UTP14A: variants seen among roughly 807,000 people sequenced by gnomAD.
UTP14A encodes UTP14A small subunit processome component.
A neutral mutation model predicts 57.2 loss-of-function variants in UTP14A; 5 were observed. The ratio of observed to expected loss-of-function variants is 0.09; its 90% CI spans 0.05 to 0.18. The LOEUF (loss-of-function observed/expected upper bound fraction) is 0.18. UTP14A is among the 10% of genes least tolerant of loss of function. The probability of loss-of-function intolerance (pLI) is 1.00; values close to 1 mark genes in which losing one functional copy is unlikely to be tolerated. For missense variants in UTP14A, 430 were observed against 562.1 expected (o/e 0.76, Z 2.38); for synonymous variants, 169 against 210.9 (o/e 0.80, Z 1.72).
intron 4 of UTP14A, among the ~76,000 whole-genome samples, chrX:129,910,742 G>A (rs1929435197): frequency 8.9e-6 from 1 of 112,133 alleles, no homozygotes; most frequent in Admixed American, 9.5e-5. Context: ...ATTGCAATGG[G>A]GCAAGAGTAG....
intron 6 of UTP14A, among the ~76,000 whole-genome samples, chrX:129,917,296 T>C (rs1368252100): frequency 8.9e-6 from 1 of 112,691 alleles, no homozygotes; most frequent in Non-Finnish European, 1.9e-5. Context: ...TTCAGTAGAA[T>C]AGTTTTATGG....
chrX:129,907,542 C>G lies in UTP14A; in HGVS notation c.102+100C>G, dbSNP rs111752371. The G allele has an allele frequency of 6.6e-4, 481 of 724,770 alleles. 5 individuals are homozygous for G. The African/African-American group carries it at 9.2e-3, about 14-fold the overall frequency. The allele number at this position is 724,770 out of a possible 1,213,427, so 59.7% of individuals were successfully genotyped here. A position where few individuals can be genotyped will look rare whatever the true frequency, so the allele number is the denominator to read the frequency against. On this transcript the variant is annotated intron_variant, in intron 2 of 14. Coordinates refer to ENST00000394422, the MANE Select transcript of UTP14A (RefSeq NM_006649.4). Reference sequence around the variant, plus strand: ...GTTCTATGTATTTGTTCAGGTCTCTCAAATAAATTGCAAATGGTTAGTGTT... The same window carrying G: ...GTTCTATGTATTTGTTCAGGTCTCTGAAATAAATTGCAAATGGTTAGTGTT...
intron 3 of UTP14A, 81 bp from the exon 4 acceptor site, chrX:129,908,589 A>G: frequency 1.1e-6 from 1 of 922,385 alleles, no homozygotes; most frequent in East Asian, 3.1e-5. Context: ...CCCTGTTTGA[A>G]GAGAGAAGTG....
At chrX:129,914,145 A>G (rs1475647215) in intron 6 of UTP14A, among the ~76,000 whole-genome samples, 1 of 111,884 alleles carries the variant, frequency 8.9e-6, no homozygotes, top group Non-Finnish European at 1.9e-5. Flanking sequence ...AAATTATGCT[A>G]GTAGGGCACA....
At chrX:129,918,614 A>G (rs1432392545) in intron 6 of UTP14A, among the ~76,000 whole-genome samples, 1 of 111,341 alleles carries the variant, frequency 9.0e-6, no homozygotes, top group Non-Finnish European at 1.9e-5. Context: ...GCGGTGGCTC[A>G]CGCCTGTAAT....
chrX:129,925,239 T>C (rs778165282), intron 12 of UTP14A, 44 bp downstream of exon 12: 1 of 1,176,196 alleles, frequency 8.5e-7, no homozygotes, highest in Non-Finnish European at 1.1e-6. Context: ...GAAAGTGTCG[T>C]TCTTGCGCAA....
chrX:129,909,817 C>T (rs41408245), intron 4 of UTP14A, among the ~76,000 whole-genome samples: 8,666 of 111,626 alleles, frequency 0.078, 801 homozygotes, highest in African/African-American at 0.27. Flanking sequence ...TAGAATGGGT[C>T]TTGCATTTGT....
Position 129,929,568 on chromosome X carries a change from C to T in UTP14A, c.2276C>T (p.Thr759Ile). ...VIQRNPKRIT[T>I]RHKKQLKKCS... is the part of the protein sequence containing the mutation. ...CAGAGGAATCCAAAACGAATCACCA[C>T]ACGTCACAAAAAACAGCTGAAGAAA... Residue 759 changes from threonine to isoleucine, a missense_variant, in exon 15 of 15, where the codon ACA (threonine) becomes ATA (isoleucine). Around this residue, in one of 4 missense-constraint regions of UTP14A, gnomAD observed 82 missense variants for 151.4 expected, o/e 0.54. Coordinates refer to ENST00000394422, the MANE Select transcript of UTP14A (RefSeq NM_006649.4). 3 of 1,211,492 alleles carry T rather than the reference C, an allele frequency of 2.5e-6. No individual in the cohort carries two copies. The highest frequency in any genetic ancestry group is 3.4e-6 in the Non-Finnish European group (3 of 895,319).
At chrX:129,910,873 T>C (rs1358681360) in intron 4 of UTP14A, 135 bp from the exon 5 acceptor site, 1 of 828,304 alleles carries the variant, frequency 1.2e-6, no homozygotes, top group Non-Finnish European at 1.7e-6. Context: ...AAATAGGCAA[T>C]TGAAGTAAGA....
chrX:129,914,824 T>C (rs1054365431), intron 6 of UTP14A, among the ~76,000 whole-genome samples: 23 of 112,382 alleles, frequency 2.0e-4, no homozygotes, highest in African/African-American at 6.1e-4. Flanking sequence ...TCATTATGCC[T>C]TCACAAGAGG....
intron 9 of UTP14A, 29 bp downstream of exon 9, chrX:129,920,609 C>T: frequency 8.3e-7 from 1 of 1,207,469 alleles, no homozygotes; most frequent in Non-Finnish European, 1.1e-6. Context: ...CCACCCCCAC[C>T]CCTTTGAACC....
rs114167763 is a variant in UTP14A at position 129,910,811 on chromosome X, C to G, written c.239-197C>G. Among the ~76,000 whole-genome samples, 867 of 112,681 alleles carry G rather than the reference C, an allele frequency of 7.7e-3. 13 individuals carry two copies. Among genetic ancestry groups the G allele is most frequent in the African/African-American group, 0.026 (823 of 31,075 alleles). On this transcript the variant is annotated intron_variant, in intron 4 of 14. Transcript: ENST00000394422. ...AAATATTTTCCCCTATCTTCTACCCCCTAACACGTTTGGGGATGAATGTAG... is the reference window on the plus strand; with the variant it reads ...AAATATTTTCCCCTATCTTCTACCCGCTAACACGTTTGGGGATGAATGTAG...
Position 129,908,723 on chromosome X carries a change from T to A in UTP14A, c.227T>A (p.Val76Asp). Residue 76 changes from valine to aspartate, a missense_variant, in exon 4 of 15, where the codon GTC (valine) becomes GAC (aspartate). Physicochemically the swap from Val to Asp is radical, Grantham distance 152. Coordinates refer to ENST00000394422, the MANE Select transcript of UTP14A (RefSeq NM_006649.4). ...AGTCTGAAGGTGTCAGAGTTCAATG[T>A]CAGTTCTGAAGGTAAGTTGAACAAA... Reference protein sequence around the residue: ...EASLKVSEFNVSSEGSGEKLV... With the variant: ...EASLKVSEFNDSSEGSGEKLV... The A allele has an allele frequency of 8.3e-7, 1 of 1,211,194 alleles. No individual in the cohort carries two copies. The highest frequency in any genetic ancestry group is 1.8e-5 in the South Asian group (1 of 57,005).
chrX:129,911,274 T>C, intron 5 of UTP14A, 124 bp downstream of exon 5: 1 of 923,699 alleles, frequency 1.1e-6, no homozygotes, highest in Non-Finnish European at 1.5e-6. Context: ...TTCCCCACTA[T>C]GGATAAGATT....
chrX:129,929,711 T>C lies in UTP14A; in HGVS notation c.*103T>C. The stretch of plus-strand genomic sequence containing the variant: ...CAAAACTGGCTCAGTACATTGCATG[T>C]AGTTAAGCCACATTTTAAAAATAAA... On this transcript the variant is annotated 3_prime_UTR_variant, in exon 15 of 15. Coordinates refer to ENST00000394422, the MANE Select transcript of UTP14A (RefSeq NM_006649.4). 1.0e-6 allele frequency: 1 copy of C among 969,838 alleles called. No individual in the cohort carries two copies. Among genetic ancestry groups the C allele is most frequent in the Non-Finnish European group, 1.4e-6 (1 of 711,779 alleles). The allele number at this position is 969,838 out of a possible 1,213,427, so 79.9% of individuals were successfully genotyped here.
intron 14 of UTP14A, among the ~76,000 whole-genome samples, chrX:129,927,333 G>A (rs1930142543): frequency 9.0e-6 from 1 of 111,616 alleles, no homozygotes; most frequent in South Asian, 3.8e-4. Flanking sequence ...CTTTGTCCAG[G>A]TGTTCTCTTT....
At position 129,929,394 on chromosome X, in the gene UTP14A, C is replaced by T. The variant is rs369835978; in HGVS notation, c.2102C>T (p.Thr701Ile). 8.3e-7 allele frequency: 1 copy of T among 1,211,564 alleles called. No homozygotes were observed. The highest frequency in any genetic ancestry group is 1.1e-6 in the Non-Finnish European group (1 of 895,402). ...HHWQFERTIQ[T>I]PIGSTWNTQR... is the part of the protein sequence containing the mutation. ...TGGCAATTTGAAAGGACCATCCAGA[C>T]CCCCATAGGATCCACATGGAACACC... The change falls in exon 15 of 15, where the codon ACC (threonine) becomes ATC (isoleucine). Residue 701 changes from threonine (T) to isoleucine (I), a missense_variant. This residue lies in a region of UTP14A where 82 missense variants were observed against 151.4 expected (regional missense o/e 0.54). Transcript: ENST00000394422.
intron 6 of UTP14A, among the ~76,000 whole-genome samples, chrX:129,914,374 C>T (rs1337077395): frequency 9.1e-5 from 10 of 110,231 alleles, no homozygotes; most frequent in African/African-American, 2.0e-4. Flanking sequence ...GTCAGGAGTT[C>T]AAGACCAGCC....
intron 1 of UTP14A, among the ~76,000 whole-genome samples, chrX:129,906,768 A>G (rs1225944569): frequency 2.7e-5 from 3 of 109,589 alleles, no homozygotes; most frequent in Non-Finnish European, 3.8e-5. Flanking sequence ...GTGGGTACCA[A>G]TCTCCTTAGT....
Sources: allele counts gnomAD v4.1 joint callset (sites outside exome capture counted in the v4.1 genomes callset), GRCh38; gene constraint gnomAD v4.1.1; regional missense constraint gnomAD v4.1.1; transcripts MANE v1.5; gene names NCBI Gene and HGNC (gene_info 2026-07-23, HGNC 2026-07-21).